Variants in DAPK1 observed in about 807,000 individuals in gnomAD.
DAPK1 encodes the protein death-associated protein kinase 1.
DAPK1 carries 56 observed loss-of-function variants against 144.9 expected under a neutral mutation model. That is an observed-to-expected ratio of 0.39 (90% CI 0.31 to 0.48). The LOEUF (loss-of-function observed/expected upper bound fraction) is 0.48, where lower values mean the gene tolerates loss of function less well. Ranked by LOEUF, DAPK1 falls within the 20% of genes least tolerant of loss-of-function variation. The pLI is 0.95. For missense variants in DAPK1, 1,454 were observed against 1,875.4 expected, an observed-to-expected ratio of 0.78 and a Z score of 4.15; for synonymous variants, 690 against 749.0, an observed-to-expected ratio of 0.92 and a Z score of 1.29.
intron 2 of DAPK1, among the ~76,000 whole-genome samples, chr9:87,572,705 C>G (rs1398562504): frequency 1.3e-5 from 2 of 152,144 alleles, no homozygotes; most frequent in Non-Finnish European, 2.9e-5. Context: ...GAGGCCTCCC[C>G]AGAAGCTGAG....
chr9:87,507,269 A>G (rs528376465), intron 2 of DAPK1, among the ~76,000 whole-genome samples: 194 of 152,244 alleles, frequency 1.3e-3, no homozygotes, highest in Non-Finnish European at 2.3e-3. Context: ...CTGGAATGCA[A>G]TGGCGCTATC....
At chr9:87,693,001 G>T (rs11141948) in intron 21 of DAPK1, among the ~76,000 whole-genome samples, 1 of 31,570 alleles carries the variant, frequency 3.2e-5, no homozygotes, top group Non-Finnish European at 6.3e-5. Context: ...TCTGTTTTCA[G>T]ACTTCCCTTT....
chr9:87,678,397 C>G (rs1469825731), intron 19 of DAPK1, among the ~76,000 whole-genome samples: 1 of 152,246 alleles, frequency 6.6e-6, no homozygotes, highest in Non-Finnish European at 1.5e-5. Context: ...CAGCAGGTCC[C>G]TGCACTCACG....
intron 21 of DAPK1, among the ~76,000 whole-genome samples, chr9:87,693,928 G>A (rs566979767): frequency 1.3e-5 from 2 of 152,266 alleles, no homozygotes; most frequent in South Asian, 4.2e-4. Flanking sequence ...GATACCACGT[G>A]GGCCAGTCCT....
intron 3 of DAPK1, among the ~76,000 whole-genome samples, chr9:87,624,010 C>T (rs927954120): frequency 6.6e-6 from 1 of 152,160 alleles, no homozygotes; most frequent in African/African-American, 2.4e-5. Context: ...CACAAAAGCT[C>T]AAGGAGGCAG....
At chr9:87,641,123 C>T (rs1830079144) in intron 9 of DAPK1, among the ~76,000 whole-genome samples, 1 of 152,162 alleles carries the variant, frequency 6.6e-6, no homozygotes, top group South Asian at 2.1e-4. Flanking sequence ...GGTGTTGGCC[C>T]AAACAGTGTA....
chr9:87,537,264 G>A (rs144362850), intron 2 of DAPK1, among the ~76,000 whole-genome samples: 211 of 152,284 alleles, frequency 1.4e-3, no homozygotes, highest in African/African-American at 4.8e-3. Context: ...GGGATTACAG[G>A]CGTGAGCCAC....
chr9:87,561,662 A>G (rs1182432789), intron 2 of DAPK1, among the ~76,000 whole-genome samples: 2 of 152,030 alleles, frequency 1.3e-5, no homozygotes, highest in Admixed American at 1.3e-4. Context: ...GCCCTGGGGG[A>G]TTCCCCTGCT....
chr9:87,632,187 T>C, intron 3 of DAPK1: 1 of 923,218 alleles, frequency 1.1e-6, no homozygotes, highest in African/African-American at 1.8e-5. Context: ...TGAGTATATA[T>C]GTAGAATGAA....
At chr9:87,547,968 C>A (rs1470445216) in intron 2 of DAPK1, among the ~76,000 whole-genome samples, 1 of 152,202 alleles carries the variant, frequency 6.6e-6, no homozygotes, top group Non-Finnish European at 1.5e-5. Flanking sequence ...AGTGAGTCAC[C>A]TACCTCACCC....
At position 87,706,372 on chromosome 9, in the gene DAPK1, G is replaced by C; in HGVS notation, c.3301G>C (p.Val1101Leu). ...CARDLSSGTM[V>L]DVPALIKTDN... Reference sequence around the variant, plus strand: ...CCGGGACCTGAGCAGCGGGACCATGGTGGACGTCCCAGCCCTGATCAAGAC... The same window carrying C: ...CCGGGACCTGAGCAGCGGGACCATGCTGGACGTCCCAGCCCTGATCAAGAC... Residue 1101 changes from valine (V) to leucine (L), a missense_variant, in exon 26 of 26, where the codon GTG becomes CTG. Around this residue, in one of 2 missense-constraint regions of DAPK1, gnomAD observed 1,025 missense variants for 1,237.9 expected, o/e 0.83. Coordinates refer to ENST00000408954, the MANE Select transcript of DAPK1 (RefSeq NM_004938.4). The surrounding 1 kb of genome is among the most constrained non-coding windows in gnomAD (Gnocchi z 9.0). 6.2e-7 allele frequency: 1 copy of C among 1,610,200 alleles called. No individual in the cohort carries two copies. The highest frequency in any genetic ancestry group is 8.5e-7 in the Non-Finnish European group (1 of 1,178,234).
rs36210372 is a variant in DAPK1 at position 87,633,440 on chromosome 9, C to T, written c.285-4503C>T. Reference sequence around the variant, plus strand: ...CTAGTGGGATAGGGACTCTCCTAACCTTTCTAATGTCTAACTGAAGGACTT... The same window carrying T: ...CTAGTGGGATAGGGACTCTCCTAACTTTTCTAATGTCTAACTGAAGGACTT... On this transcript the variant is annotated intron_variant, in intron 3 of 25. Transcript: ENST00000408954. The T allele has an allele frequency of 1.6e-3, 1,567 of 951,794 alleles. 22 individuals are homozygous for T. In the African/African-American group the frequency reaches 0.022, roughly 13 times the overall value. The allele number at this position is 951,794 out of a possible 1,614,324, so 59.0% of individuals were successfully genotyped here.
At chr9:87,649,835 A>T in intron 15 of DAPK1, 86 bp from the exon 16 acceptor site, 1 of 1,413,366 alleles carries the variant, frequency 7.1e-7, no homozygotes, top group Non-Finnish European at 1.0e-6. Flanking sequence ...CGTTTCTGCC[A>T]AATTTGACAG....
At chr9:87,621,183 A>G (rs1829282706) in intron 3 of DAPK1, among the ~76,000 whole-genome samples, 1 of 152,144 alleles carries the variant, frequency 6.6e-6, no homozygotes, top group Admixed American at 6.5e-5. Context: ...GACAGCATGC[A>G]TTGGTCATGA....
intron 2 of DAPK1, among the ~76,000 whole-genome samples, chr9:87,555,216 C>T (rs1439038732): frequency 6.6e-6 from 1 of 152,210 alleles, no homozygotes; most frequent in Non-Finnish European, 1.5e-5. Flanking sequence ...AACCCAGTTC[C>T]TGATCTAGCT....
chr9:87,507,696 G>A (rs1317351334), intron 2 of DAPK1, among the ~76,000 whole-genome samples: 2 of 151,982 alleles, frequency 1.3e-5, no homozygotes, highest in African/African-American at 2.4e-5. Flanking sequence ...AGAACATAAT[G>A]TTTGAGCAAA....
At chr9:87,683,124 C>T (rs1368931009) in intron 20 of DAPK1, among the ~76,000 whole-genome samples, 14 of 150,068 alleles carry the variant, frequency 9.3e-5, no homozygotes, top group African/African-American at 3.2e-4. Flanking sequence ...GCTCTGTTGC[C>T]CAGGCTGGAG....
At chr9:87,559,324 G>A (rs1826826430) in intron 2 of DAPK1, among the ~76,000 whole-genome samples, 1 of 151,878 alleles carries the variant, frequency 6.6e-6, no homozygotes, top group Admixed American at 6.6e-5. Flanking sequence ...GGTAGGGTAG[G>A]GCAGGGCAGG....
chr9:87,656,484 T>C (rs1316960114), intron 17 of DAPK1, among the ~76,000 whole-genome samples: 1 of 152,214 alleles, frequency 6.6e-6, no homozygotes, highest in Non-Finnish European at 1.5e-5. Flanking sequence ...CTTCTAAACA[T>C]TTCACCCAGT....
Sources: allele counts gnomAD v4.1 joint callset (sites outside exome capture counted in the v4.1 genomes callset), GRCh38; gene constraint gnomAD v4.1.1; regional missense constraint gnomAD v4.1.1; non-coding constraint Gnocchi (gnomAD v3.1); transcripts MANE v1.5; gene names NCBI Gene and HGNC (gene_info 2026-07-23, HGNC 2026-07-21).